SLC5A1: variants seen among roughly 807,000 people sequenced by gnomAD.
SLC5A1 encodes solute carrier family 5 member 1, also known as sodium/glucose cotransporter 1.
SLC5A1 carries 42 observed loss-of-function variants against 73.5 expected under a neutral mutation model. The ratio of observed to expected loss-of-function variants is 0.57; its 90% CI spans 0.45 to 0.74. The LOEUF (loss-of-function observed/expected upper bound fraction) is 0.74, where lower values mean the gene tolerates loss of function less well. Ranked by LOEUF, SLC5A1 falls within the 30% of genes least tolerant of loss-of-function variation. SLC5A1 has a pLI of 0.00. For synonymous variants in SLC5A1, 300 were observed against 317.4 expected, an observed-to-expected ratio of 0.95 and a Z score of 0.58; for missense variants, 634 against 855.4, an observed-to-expected ratio of 0.74 and a Z score of 3.23.
At chr22:32,095,795 C>G (rs1377138911) in intron 11 of SLC5A1, among the ~76,000 whole-genome samples, 7 of 152,162 alleles carry the variant, frequency 4.6e-5, no homozygotes, top group Non-Finnish European at 4.4e-5. Context: ...TTGATAAATT[C>G]TTATCCATTC....
chr22:32,082,819 A>T (rs2094002071), intron 6 of SLC5A1, among the ~76,000 whole-genome samples: 1 of 152,200 alleles, frequency 6.6e-6, no homozygotes, highest in African/African-American at 2.4e-5. Context: ...CTGGCTCAAA[A>T]GGGTCACACC....
At chr22:32,046,277 A>G (rs1269585037) in intron 1 of SLC5A1, among the ~76,000 whole-genome samples, 1 of 152,040 alleles carries the variant, frequency 6.6e-6, no homozygotes, top group Non-Finnish European at 1.5e-5. Context: ...CCACTCCCCA[A>G]GACACTTGCC....
chr22:32,061,257 CT>C (rs1417156859), intron 2 of SLC5A1, among the ~76,000 whole-genome samples: 1 of 152,084 alleles, frequency 6.6e-6, no homozygotes, highest in Non-Finnish European at 1.5e-5. Flanking sequence ...AACCCTGTCT[CT>C]ACTAAAATTA....
Position 32,099,398 on chromosome 22 carries a change from G to GT in SLC5A1, c.1449+50dup, listed in dbSNP as rs1457622184. 2.6e-6 allele frequency: 4 copies of GT among 1,538,176 alleles called. No homozygotes were observed. In the Admixed American group the frequency reaches 6.7e-5, roughly 26 times the overall value. On this transcript the variant is annotated intron_variant, in intron 12 of 14. Transcript: ENST00000266088. ...CCAGAAAAGTCATTCTGGCATAGAA[G>GT]TTTCCATGTGGGTTTGCATATTCTC... is the stretch of plus-strand genomic sequence containing the variant.
intron 2 of SLC5A1, among the ~76,000 whole-genome samples, chr22:32,058,309 G>A (rs1222668780): frequency 6.6e-6 from 1 of 152,180 alleles, no homozygotes; most frequent in Non-Finnish European, 1.5e-5. Context: ...AAAGCTTGAG[G>A]TCAGGAGTTT....
Position 32,081,589 on chromosome 22 carries a change from T to C in SLC5A1, c.478-277T>C, listed in dbSNP as rs576800289. On this transcript the variant is annotated intron_variant, in intron 5 of 14. Transcript: ENST00000266088. ...TTCCTTGGCAAAAAGAGTTCAATAG[T>C]TGAGTGAGTTTGTGAGATGTCATGT... 5.3e-5 allele frequency among the ~76,000 whole-genome samples: 8 copies of C among 152,248 alleles called. No homozygotes were observed. In the South Asian group the frequency reaches 1.7e-3, roughly 32 times the overall value.
intron 11 of SLC5A1, 40 bp downstream of exon 11, chr22:32,091,802 T>G (rs1287513347): frequency 6.2e-7 from 1 of 1,608,378 alleles, no homozygotes; most frequent in African/African-American, 1.3e-5. Flanking sequence ...GCTTGAATGA[T>G]CAGAGAGGTT....
chr22:32,083,202 G>T, intron 7 of SLC5A1, 48 bp downstream of exon 7: 1 of 1,516,336 alleles, frequency 6.6e-7, no homozygotes, highest in Non-Finnish European at 9.1e-7. Flanking sequence ...GAGGTAGAGG[G>T]CCTCAGGAAG....
intron 11 of SLC5A1, among the ~76,000 whole-genome samples, chr22:32,093,567 TC>T (rs2149494792): frequency 1.3e-5 from 2 of 152,116 alleles, no homozygotes; most frequent in South Asian, 4.1e-4. Context: ...TCTTTTCTTT[TC>T]TTTTCTCTTC....
chr22:32,070,574 T>C (rs748236160), intron 5 of SLC5A1, among the ~76,000 whole-genome samples: 9 of 152,022 alleles, frequency 5.9e-5, no homozygotes, highest in Non-Finnish European at 8.8e-5. Flanking sequence ...ACTCAAGCAA[T>C]TCTTCTGCCT....
intron 2 of SLC5A1, among the ~76,000 whole-genome samples, chr22:32,054,472 T>C (rs952335530): frequency 1.3e-5 from 2 of 152,158 alleles, no homozygotes; most frequent in Non-Finnish European, 2.9e-5. Context: ...TTATTCAACA[T>C]AGGCTCAAAG....
chr22:32,069,736 G>A (rs1234335466), intron 5 of SLC5A1, among the ~76,000 whole-genome samples: 1 of 152,170 alleles, frequency 6.6e-6, no homozygotes, highest in Admixed American at 6.5e-5. Context: ...AGGCAGGCAT[G>A]GGCCTTTGTG....
intron 9 of SLC5A1, among the ~76,000 whole-genome samples, chr22:32,085,624 C>A: frequency 7.0e-6 from 1 of 143,708 alleles, no homozygotes; most frequent in Non-Finnish European, 1.5e-5. Context: ...AATATTTGCT[C>A]AATTGTTGCT....
intron 2 of SLC5A1, among the ~76,000 whole-genome samples, chr22:32,060,816 C>T (rs1190447487): frequency 1.3e-5 from 2 of 152,076 alleles, no homozygotes; most frequent in Non-Finnish European, 1.5e-5. Context: ...GTGGTCCTCT[C>T]ACCTCAACCT....
At chr22:32,101,925 T>A in intron 12 of SLC5A1, 97 bp from the exon 13 acceptor site, 1 of 914,862 alleles carries the variant, frequency 1.1e-6, no homozygotes, top group South Asian at 1.4e-5. Flanking sequence ...CTCCTACCTC[T>A]GTTCCTTTGC....
At chr22:32,107,421 G>C (rs2094048241) in intron 14 of SLC5A1, among the ~76,000 whole-genome samples, 1 of 152,186 alleles carries the variant, frequency 6.6e-6, no homozygotes, top group Non-Finnish European at 1.5e-5. Context: ...GTGAGATTTG[G>C]AATCAGGAAG....
chr22:32,080,798 A>G (rs1482400051), intron 5 of SLC5A1, among the ~76,000 whole-genome samples: 1 of 152,194 alleles, frequency 6.6e-6, no homozygotes, highest in African/African-American at 2.4e-5. Flanking sequence ...GTTCGAGACC[A>G]GCCTGACCAA....
chr22:32,066,180 C>G (rs734092), intron 2 of SLC5A1, among the ~76,000 whole-genome samples: 6,811 of 152,254 alleles, frequency 0.045, 207 homozygotes, highest in Non-Finnish European at 0.07. Context: ...CAGTCTTCCA[C>G]TCTTGGGTAT....
At chr22:32,080,318 G>A (rs1438251853) in intron 5 of SLC5A1, among the ~76,000 whole-genome samples, 1 of 152,144 alleles carries the variant, frequency 6.6e-6, no homozygotes, top group African/African-American at 2.4e-5. Flanking sequence ...GCCCACCTTC[G>A]GGAAGGAGGT....
Sources: allele counts gnomAD v4.1 joint callset (sites outside exome capture counted in the v4.1 genomes callset), GRCh38; gene constraint gnomAD v4.1.1; transcripts MANE v1.5; gene names NCBI Gene and HGNC (gene_info 2026-07-23, HGNC 2026-07-21).